The following TRAF6 variants were observed in gnomAD, a reference collection of about 807,000 sequenced individuals.
TRAF6 encodes TNF receptor-associated factor 6.
TRAF6 carries 10 observed loss-of-function variants against 48.4 expected under a neutral mutation model. The observed-to-expected ratio is 0.21, with a 90% CI of 0.13 to 0.35. TRAF6 has a LOEUF of 0.35. Ranked by LOEUF, TRAF6 falls within the 10% of genes least tolerant of loss-of-function variation. The pLI, the probability that TRAF6 is intolerant of heterozygous loss-of-function variation, is 1.00. For synonymous variants in TRAF6, 186 were observed against 219.6 expected, an observed-to-expected ratio of 0.85 and a Z score of 1.35; for missense variants, 397 against 661.0, an observed-to-expected ratio of 0.60 and a Z score of 4.38.
At chr11:36,503,535 G>C (rs774344319) in intron 1 of TRAF6, among the ~76,000 whole-genome samples, 14 of 152,090 alleles carry the variant, frequency 9.2e-5, no homozygotes, top group Non-Finnish European at 1.8e-4. Context: ...CACCTGCCCT[G>C]GCCTCCCAAA....
At chr11:36,500,177 G>A (rs1317389287) in intron 2 of TRAF6, among the ~76,000 whole-genome samples, 2 of 152,162 alleles carry the variant, frequency 1.3e-5, no homozygotes, top group Non-Finnish European at 2.9e-5. Flanking sequence ...GCTTTAGAAG[G>A]CAGAAAGTGC....
In TRAF6 at chr11:36,497,310, G is replaced by C. The variant is rs188793753; in HGVS notation, c.448-44C>G. The C allele has an allele frequency of 7.0e-6, 11 of 1,566,938 alleles. No homozygotes were observed. The Admixed American group carries it at 2.0e-4, about 29-fold the overall frequency. ...TGGATTAGCATTAGCCAACTCTGAA[G>C]TCTTCTACATATAAGCTCTCCTAAT... On this transcript the variant is annotated intron_variant, in intron 3 of 6. Transcript: ENST00000526995.
intron 1 of TRAF6, among the ~76,000 whole-genome samples, chr11:36,507,097 AC>A (rs1859796273): frequency 6.7e-6 from 1 of 149,914 alleles, no homozygotes; most frequent in African/African-American, 2.4e-5. Context: ...AAATGTATAT[AC>A]GTGTATATAT....
chr11:36,500,562 A>G (rs997476191), intron 2 of TRAF6, among the ~76,000 whole-genome samples: 7 of 152,328 alleles, frequency 4.6e-5, no homozygotes, highest in Admixed American at 3.9e-4. Context: ...CAGAGATGAC[A>G]TCATCTTACT....
rs759661560 is a variant in TRAF6 at position 36,492,603 on chromosome 11, C to A, written c.704G>T (p.Cys235Phe). ...EQMPNHYDLD[C>F]PTAPIPCTFS... is the part of the protein sequence containing the mutation. Reference sequence around the variant, plus strand: ...TGTGCATGGAATTGGGGCTGTAGGGCAGTCTAGATCATAATGATTAGGCAT... The same window carrying A: ...TGTGCATGGAATTGGGGCTGTAGGGAAGTCTAGATCATAATGATTAGGCAT... Residue 235 changes from cysteine to phenylalanine, a missense_variant, in exon 6 of 7, where the codon TGC becomes TTC. This residue lies in a region of TRAF6 where 245 missense variants were observed against 349.1 expected (regional missense o/e 0.70). Coordinates refer to ENST00000526995, the MANE Select transcript of TRAF6 (RefSeq NM_004620.4). The A allele has an allele frequency of 1.2e-6, 2 of 1,610,796 alleles. No individual in the cohort carries two copies. Among genetic ancestry groups the A allele is most frequent in the Non-Finnish European group, 1.7e-6 (2 of 1,179,238 alleles).
Position 36,486,949 on chromosome 11 carries a change from G to A in TRAF6, c.*2889C>T, listed in dbSNP as rs969164594. The A allele has an allele frequency of 1.1e-4, 17 of 152,238 alleles. No homozygotes were observed. The highest frequency in any genetic ancestry group is 4.1e-4 in the African/African-American group (17 of 41,336). 9.4% of individuals were successfully genotyped at this position (152,238 alleles called of 1,614,324 possible). On this transcript the variant is annotated 3_prime_UTR_variant, in exon 7 of 7. Transcript: ENST00000526995. ...ACTCAAAATACAAAAAAATTAGCTG[G>A]GCGTGGTGGCGGGTGCCTGTAATCC... is the stretch of plus-strand genomic sequence containing the variant.
intron 1 of TRAF6, among the ~76,000 whole-genome samples, chr11:36,502,374 T>A: frequency 6.6e-6 from 1 of 152,326 alleles, no homozygotes; most frequent in East Asian, 1.9e-4. Flanking sequence ...AGATGAGATA[T>A]CCTCAAATTC....
intron 1 of TRAF6, among the ~76,000 whole-genome samples, chr11:36,503,421 A>G (rs1859744324): frequency 6.6e-6 from 1 of 151,614 alleles, no homozygotes; most frequent in African/African-American, 2.4e-5. Context: ...AATAGCTGGG[A>G]TTACAGGCGC....
chr11:36,495,479 TCA>T (rs1859618102), intron 4 of TRAF6, among the ~76,000 whole-genome samples: 1 of 152,220 alleles, frequency 6.6e-6, no homozygotes, highest in African/African-American at 2.4e-5. Context: ...GATTTGGTGC[TCA>T]GTTTCTCATA....
In TRAF6 at chr11:36,489,559, A is replaced by T; in HGVS notation, c.*279T>A. The T allele has an allele frequency of 2.5e-6, 1 of 404,662 alleles. No homozygotes were observed. Among genetic ancestry groups the T allele is most frequent in the Non-Finnish European group, 4.4e-6 (1 of 227,322 alleles). 25.1% of individuals were successfully genotyped at this position (404,662 alleles called of 1,614,324 possible). ...CACCAGAGCAAAAGCCCAAGAAAGT[A>T]CAACAAAGAGGTATACTAACTGGCA... is the stretch of plus-strand genomic sequence containing the variant. On this transcript the variant is annotated 3_prime_UTR_variant, in exon 7 of 7. Coordinates refer to ENST00000526995, the MANE Select transcript of TRAF6 (RefSeq NM_004620.4).
At chr11:36,492,335 A>T (rs945562360) in intron 6 of TRAF6, among the ~76,000 whole-genome samples, 1 of 152,142 alleles carries the variant, frequency 6.6e-6, no homozygotes, top group Non-Finnish European at 1.5e-5. Context: ...GTCAAGATTC[A>T]GCCCAAAGCA....
chr11:36,498,694 C>G, intron 2 of TRAF6, 54 bp from the exon 3 acceptor site: 1 of 1,521,198 alleles, frequency 6.6e-7, no homozygotes, highest in Non-Finnish European at 8.8e-7. Context: ...TTAGAAAATC[C>G]AAACAACTTT....
At position 36,484,431 on chromosome 11, in the gene TRAF6, A is replaced by G. The variant is rs1008554644; in HGVS notation, c.*5407T>C. ...GTTCTGAGGAAAAGCAGGCTTTGTG[A>G]TAAGACCACTGGATGTCTTTCAATT... On this transcript the variant is annotated 3_prime_UTR_variant, in exon 7 of 7. Transcript: ENST00000526995. 2.0e-5 allele frequency among the ~76,000 whole-genome samples: 3 copies of G among 152,226 alleles called. No individual in the cohort carries two copies. The highest frequency in any genetic ancestry group is 7.2e-5 in the African/African-American group (3 of 41,456).
chr11:36,508,127 G>A (rs1315252353), intron 1 of TRAF6, among the ~76,000 whole-genome samples: 2 of 152,056 alleles, frequency 1.3e-5, no homozygotes, highest in African/African-American at 4.8e-5. Context: ...ACAGGCATGA[G>A]CCATTATGCC....
chr11:36,495,607 TGTCG>T (rs1859619758), intron 4 of TRAF6, among the ~76,000 whole-genome samples: 1 of 152,102 alleles, frequency 6.6e-6, no homozygotes, highest in Non-Finnish European at 1.5e-5. Context: ...AGAAAGGAGT[TGTCG>T]GGCCGGGCGT....
At position 36,484,139 on chromosome 11, in the gene TRAF6, C is replaced by T. The variant is rs949509910; in HGVS notation, c.*5699G>A. Among the ~76,000 whole-genome samples the T allele has an allele frequency of 6.6e-6, 1 of 152,186 alleles. No homozygotes were observed. The highest frequency in any genetic ancestry group is 1.9e-4 in the East Asian group (1 of 5,196). On this transcript the variant is annotated 3_prime_UTR_variant, in exon 7 of 7. Coordinates refer to ENST00000526995, the MANE Select transcript of TRAF6 (RefSeq NM_004620.4). ...ATGGAGGCCATCCGAGGTTTCACTG[C>T]CATTAGGAGCAGGGCTTGTTTTATG...
chr11:36,508,630 T>C (rs879127350), intron 1 of TRAF6, among the ~76,000 whole-genome samples: 2 of 152,142 alleles, frequency 1.3e-5, no homozygotes, highest in Admixed American at 1.3e-4. Context: ...AGTAAAACCA[T>C]GTAAAGAAAA....
chr11:36,509,058 C>A (rs1859855803), intron 1 of TRAF6, among the ~76,000 whole-genome samples: 1 of 152,168 alleles, frequency 6.6e-6, no homozygotes. Context: ...CACTCAACCT[C>A]AAAATTTGAA....
At chr11:36,492,434 T>G (rs886363756) in intron 6 of TRAF6, 117 bp downstream of exon 6, 9 of 848,752 alleles carry the variant, frequency 1.1e-5, no homozygotes, top group Middle Eastern at 2.8e-4. Flanking sequence ...AACTCTATTA[T>G]ATCACTTATT....
Sources: allele counts gnomAD v4.1 joint callset (sites outside exome capture counted in the v4.1 genomes callset), GRCh38; gene constraint gnomAD v4.1.1; regional missense constraint gnomAD v4.1.1; transcripts MANE v1.5; gene names NCBI Gene and HGNC (gene_info 2026-07-23, HGNC 2026-07-21).